GALNT3: variants seen among roughly 807,000 people sequenced by gnomAD.
GALNT3 encodes the protein polypeptide N-acetylgalactosaminyltransferase 3.
A neutral mutation model predicts 69.8 loss-of-function variants in GALNT3; 51 were observed. The observed-to-expected ratio is 0.73, with a 90% CI of 0.58 to 0.92. GALNT3 has a LOEUF of 0.92. GALNT3 is among the 40% of genes least tolerant of loss of function. The pLI, the probability that GALNT3 is intolerant of heterozygous loss-of-function variation, is 0.00. For synonymous variants in GALNT3, 265 were observed against 248.5 expected, an observed-to-expected ratio of 1.07 and a Z score of -0.63; for missense variants, 711 against 760.0, an observed-to-expected ratio of 0.94 and a Z score of 0.76.
intron 10 of GALNT3, among the ~76,000 whole-genome samples, chr2:165,749,430 A>G (rs1688316752): frequency 6.6e-6 from 1 of 152,088 alleles, no homozygotes; most frequent in African/African-American, 2.4e-5. Flanking sequence ...GAAAAAAAAT[A>G]TGACTGTTGC....
intron 3 of GALNT3, among the ~76,000 whole-genome samples, chr2:165,762,752 G>C (rs955902835): frequency 6.6e-6 from 1 of 152,124 alleles, no homozygotes; most frequent in Non-Finnish European, 1.5e-5. Context: ...TGAGATCATA[G>C]GTTTTAAAAA....
intron 7 of GALNT3, 131 bp from the exon 8 acceptor site, chr2:165,755,194 A>C (rs1688425111): frequency 1.2e-6 from 1 of 850,656 alleles, no homozygotes; most frequent in African/African-American, 1.7e-5. Context: ...AGGCAATTCA[A>C]CAGCCTTCAT....
In GALNT3 at chr2:165,761,920, A is replaced by C. The variant is rs750823109; in HGVS notation, c.823T>G (p.Phe275Val). The change falls in exon 4 of 11, where the codon TTT (phenylalanine) becomes GTT (valine). Residue 275 changes from phenylalanine to valine, a missense_variant. Coordinates refer to ENST00000392701, the MANE Select transcript of GALNT3 (RefSeq NM_004482.4). ...ATATACTTACAGTGAGCATCTAAAAATGTGAGCGTTTCAGCTGTTGCGACT... is the reference window on the plus strand; with the variant it reads ...ATATACTTACAGTGAGCATCTAAAACTGTGAGCGTTTCAGCTGTTGCGACT... ...ATVATAETLT[F>V]LDAHCECFYG... The C allele has an allele frequency of 6.2e-7, 1 of 1,614,142 alleles. No individual in the cohort carries two copies. Among genetic ancestry groups the C allele is most frequent in the Admixed American group, 1.7e-5 (1 of 60,014 alleles).
intron 2 of GALNT3, among the ~76,000 whole-genome samples, chr2:165,765,569 A>G (rs1688623801): frequency 6.6e-6 from 1 of 151,766 alleles, no homozygotes; most frequent in South Asian, 2.1e-4. Flanking sequence ...GGCTCACTGC[A>G]AGCTTCACCT....
chr2:165,761,193 T>A (rs530941726), intron 4 of GALNT3, among the ~76,000 whole-genome samples: 2 of 152,028 alleles, frequency 1.3e-5, no homozygotes, highest in East Asian at 3.9e-4. Context: ...ATAGGGTGGA[T>A]TATATTCACT....
intron 1 of GALNT3, among the ~76,000 whole-genome samples, chr2:165,788,673 C>A (rs1257369622): frequency 6.6e-6 from 1 of 151,088 alleles, no homozygotes; most frequent in Non-Finnish European, 1.5e-5. Context: ...CCATTAAGAG[C>A]TATAGATAGA....
intron 4 of GALNT3, among the ~76,000 whole-genome samples, chr2:165,760,195 C>T (rs1287314220): frequency 6.6e-6 from 1 of 152,156 alleles, no homozygotes; most frequent in Admixed American, 6.5e-5. Context: ...TATTTAAACT[C>T]GTATCTCCCT....
intron 1 of GALNT3, among the ~76,000 whole-genome samples, chr2:165,780,606 T>A (rs7572954): frequency 0.98 from 149,415 of 152,136 alleles, 73,417 homozygotes; most frequent in East Asian, 1. Flanking sequence ...GTACTAGTGT[T>A]TTGTTCAGAT....
chr2:165,753,534 A>G (rs144033838), intron 9 of GALNT3, among the ~76,000 whole-genome samples: 9 of 152,270 alleles, frequency 5.9e-5, no homozygotes, highest in Non-Finnish European at 1.3e-4. Flanking sequence ...GCTAGTTTAT[A>G]GATTTCCTAA....
chr2:165,786,082 A>G (rs57594751), intron 1 of GALNT3, among the ~76,000 whole-genome samples: 1 of 152,316 alleles, frequency 6.6e-6, no homozygotes, highest in African/African-American at 2.4e-5. Flanking sequence ...AAACAATGTG[A>G]GAATTATGTT....
intron 1 of GALNT3, among the ~76,000 whole-genome samples, chr2:165,779,568 C>G (rs1683056717): frequency 6.6e-6 from 1 of 152,122 alleles, no homozygotes; most frequent in South Asian, 2.1e-4. Flanking sequence ...TGAGTTACTC[C>G]TTAAATTCTG....
At chr2:165,782,179 G>A (rs1683124076) in intron 1 of GALNT3, among the ~76,000 whole-genome samples, 1 of 152,116 alleles carries the variant, frequency 6.6e-6, no homozygotes, top group Non-Finnish European at 1.5e-5. Flanking sequence ...TCAGGGATAT[G>A]TTATTACTTC....
intron 1 of GALNT3, among the ~76,000 whole-genome samples, chr2:165,773,950 T>G (rs1688799748): frequency 6.6e-6 from 1 of 152,204 alleles, no homozygotes; most frequent in Non-Finnish European, 1.5e-5. Context: ...CCTAATGGGC[T>G]TTAGTGAAAA....
intron 4 of GALNT3, among the ~76,000 whole-genome samples, chr2:165,760,478 T>C (rs1688525751): frequency 6.6e-6 from 1 of 152,210 alleles, no homozygotes; most frequent in Non-Finnish European, 1.5e-5. Flanking sequence ...TTGGCAGTCA[T>C]GGTCCGGGAG....
intron 1 of GALNT3, among the ~76,000 whole-genome samples, chr2:165,775,291 T>A (rs973537752): frequency 6.6e-6 from 1 of 152,112 alleles, no homozygotes; most frequent in African/African-American, 2.4e-5. Context: ...AAACTACAAA[T>A]AGCTTCCTAT....
At chr2:165,749,279 A>C (rs571537319) in intron 10 of GALNT3, among the ~76,000 whole-genome samples, 2 of 152,272 alleles carry the variant, frequency 1.3e-5, no homozygotes, top group South Asian at 4.1e-4. Flanking sequence ...TGATACAGCT[A>C]AGCCTTAAAC....
chr2:165,786,571 T>C (rs1159773620), intron 1 of GALNT3, among the ~76,000 whole-genome samples: 1 of 152,222 alleles, frequency 6.6e-6, no homozygotes, highest in Non-Finnish European at 1.5e-5. Context: ...AATGTAAATA[T>C]TGTGTAAATA....
At chr2:165,758,717 A>C in intron 6 of GALNT3, 30 bp downstream of exon 6, 1 of 1,222,158 alleles carries the variant, frequency 8.2e-7, no homozygotes. Flanking sequence ...TGTTTAATAT[A>C]TCTGCTATAT....
At position 165,748,826 on chromosome 2, in the gene GALNT3, G is replaced by A. The variant is rs150299191; in HGVS notation, c.1857C>T (p.Asn619=). ...TCCATTTTTGGAGTGGATCTGATGGGTTGCATGACACTAAACTTGGATGCT... is the reference window on the plus strand; with the variant it reads ...TCCATTTTTGGAGTGGATCTGATGGATTGCATGACACTAAACTTGGATGCT... The part of the protein sequence containing the change: ...NGEHPSLVSC[N]PSDPLQKWIL... Residue 619 remains asparagine, a synonymous_variant, in exon 11 of 11, where the codon AAC becomes AAT. Transcript: ENST00000392701. The A allele has an allele frequency of 2.1e-5, 34 of 1,611,634 alleles. No individual in the cohort carries two copies. In the African/African-American group the frequency reaches 3.9e-4, roughly 18 times the overall value.
Sources: allele counts gnomAD v4.1 joint callset (sites outside exome capture counted in the v4.1 genomes callset), GRCh38; gene constraint gnomAD v4.1.1; transcripts MANE v1.5; gene names NCBI Gene and HGNC (gene_info 2026-07-23, HGNC 2026-07-21).